MTMR10: variants seen among roughly 807,000 people sequenced by gnomAD.
The protein encoded by MTMR10 is myotubularin related protein 10.
A neutral mutation model predicts 88.1 loss-of-function variants in MTMR10; 56 were observed. The ratio of observed to expected loss-of-function variants is 0.64; its 90% CI spans 0.51 to 0.79. The LOEUF (loss-of-function observed/expected upper bound fraction) is 0.79, where lower values mean the gene tolerates loss of function less well. Ranked by LOEUF, MTMR10 falls within the 30% of genes least tolerant of loss-of-function variation. The pLI, the probability that MTMR10 is intolerant of heterozygous loss-of-function variation, is 0.00. For missense variants in MTMR10, 883 were observed against 924.7 expected, an observed-to-expected ratio of 0.95 and a Z score of 0.58; for synonymous variants, 380 against 340.9, an observed-to-expected ratio of 1.11 and a Z score of -1.26.
intron 12 of MTMR10, 48 bp downstream of exon 12, chr15:30,951,920 G>T: frequency 6.6e-7 from 1 of 1,511,398 alleles, no homozygotes; most frequent in Non-Finnish European, 9.2e-7. Flanking sequence ...GTAAACCAAG[G>T]CTGGCTGGTA....
intron 2 of MTMR10, among the ~76,000 whole-genome samples, chr15:30,989,772 A>C (rs536957693): frequency 6.6e-6 from 1 of 151,716 alleles, no homozygotes; most frequent in Non-Finnish European, 1.5e-5. Flanking sequence ...TTTTTAGTAG[A>C]GATGGGGTTT....
chr15:30,953,434 T>A, intron 11 of MTMR10, 128 bp downstream of exon 11: 1 of 681,992 alleles, frequency 1.5e-6, no homozygotes, highest in South Asian at 2.0e-5. Context: ...AGTTACGAGA[T>A]GTTACTATTG....
rs956364525 is a variant in MTMR10 at position 30,964,508 on chromosome 15, A to T, written c.565+3412T>A. On this transcript the variant is annotated intron_variant, in intron 6 of 15. Transcript: ENST00000435680. ...GTTCAAATCCTGTACTTTTCTAAAC[A>T]ACTGGGACTAGGTCTTTTATATGTT... 3.9e-5 allele frequency among the ~76,000 whole-genome samples: 6 copies of T among 152,246 alleles called. 1 individual carries two copies. The highest frequency in any genetic ancestry group is 8.8e-5 in the Non-Finnish European group (6 of 68,040).
At chr15:30,955,714 G>A (rs983757986) in intron 9 of MTMR10, among the ~76,000 whole-genome samples, 1 of 152,180 alleles carries the variant, frequency 6.6e-6, no homozygotes, top group Non-Finnish European at 1.5e-5. Context: ...TCCACATGAT[G>A]TAGACAGAAG....
chr15:30,933,986 T>G (rs1330975575), downstream of MTMR10, among the ~76,000 whole-genome samples: 2 of 151,900 alleles, frequency 1.3e-5, no homozygotes, highest in Non-Finnish European at 2.9e-5. Context: ...GGTCTCAAAC[T>G]CCTGGGCTCC....
At chr15:30,963,116 G>A (rs1595927579) in intron 6 of MTMR10, among the ~76,000 whole-genome samples, 2 of 152,206 alleles carry the variant, frequency 1.3e-5, no homozygotes, top group South Asian at 4.1e-4. Flanking sequence ...AATTTAAACT[G>A]AAATGAAAAT....
chr15:30,970,196 A>G (rs1217571670), intron 5 of MTMR10, among the ~76,000 whole-genome samples: 1 of 152,164 alleles, frequency 6.6e-6, no homozygotes, highest in African/African-American at 2.4e-5. Flanking sequence ...GAGTACCTAC[A>G]ATGTTGTAAG....
the MTMR10 span, among the ~76,000 whole-genome samples, chr15:30,933,912 C>G: frequency 2.0e-5 from 3 of 152,236 alleles, no homozygotes; most frequent in East Asian, 5.8e-4. Flanking sequence ...AGGCATGCAC[C>G]ATCATGCCCA....
rs762760389 is a variant in MTMR10 at position 30,948,327 on chromosome 15, T to C, written c.1352A>G (p.Asn451Ser). Reference sequence around the variant, plus strand: ...CTCTTTCTCTGATCTCTTTAGATGGTTGCATCTGTCTAGAAACTGATATCC... The same window carrying C: ...CTCTTTCTCTGATCTCTTTAGATGGCTGCATCTGTCTAGAAACTGATATCC... ...MAGYQFLDRC[N>S]HLKRSEKESP... is the part of the protein sequence containing the mutation. The change falls in exon 13 of 16, where the codon AAC becomes AGC. Residue 451 changes from asparagine to serine, a missense_variant. Physicochemically the swap from Asn to Ser is conservative, Grantham distance 46 (BLOSUM62 1). Around this residue, in one of 3 missense-constraint regions of MTMR10, gnomAD observed 126 missense variants for 178.2 expected, o/e 0.71. Transcript: ENST00000435680. The C allele has an allele frequency of 1.5e-5, 25 of 1,613,806 alleles. No homozygotes were observed. The highest frequency in any genetic ancestry group is 1.9e-5 in the Non-Finnish European group (22 of 1,179,806).
At chr15:30,945,132 G>GAA (rs1035080196) in intron 14 of MTMR10, among the ~76,000 whole-genome samples, 1 of 151,682 alleles carries the variant, frequency 6.6e-6, no homozygotes, top group Non-Finnish European at 1.5e-5. Flanking sequence ...CCTCAGAATG[G>GAA]AAAAAAAAGG....
At chr15:30,991,359 C>A (rs1048164216) in intron 1 of MTMR10, 88 bp downstream of exon 1, 24 of 1,302,182 alleles carry the variant, frequency 1.8e-5, no homozygotes, top group Non-Finnish European at 2.4e-5. Flanking sequence ...GCGCAGCCTC[C>A]TGGGGTCCTC....
At chr15:30,950,295 T>C (rs1595914273) in intron 12 of MTMR10, 1 of 152,196 alleles carries the variant, frequency 6.6e-6, no homozygotes, top group South Asian at 2.1e-4. Context: ...ATATGACACA[T>C]TACTATTTGA....
the MTMR10 span, chr15:30,928,638 C>T: frequency 1.2e-6 from 2 of 1,613,592 alleles, no homozygotes; most frequent in Non-Finnish European, 1.7e-6. Context: ...TTCCGGATGT[C>T]TTCAGAAACG....
At chr15:30,928,506 T>TTGTG in the MTMR10 span, 304,498 of 1,457,276 alleles carry the variant, frequency 0.21, 6,385 homozygotes, top group East Asian at 0.42. Flanking sequence ...AAAACAGATT[T>TTGTG]TGTGTGTGTG....
Position 30,939,570 on chromosome 15 carries a change from T to C in MTMR10, c.*1900A>G, listed in dbSNP as rs2062968930. Reference sequence around the variant, plus strand: ...TTTACATTTGATTATCATACAAAAATATGCATTTTTCTATTTTTAACCATT... The same window carrying C: ...TTTACATTTGATTATCATACAAAAACATGCATTTTTCTATTTTTAACCATT... On this transcript the variant is annotated 3_prime_UTR_variant, in exon 16 of 16. Transcript: ENST00000435680. The C allele has an allele frequency of 2.1e-6, 2 of 961,420 alleles. No homozygotes were observed. The highest frequency in any genetic ancestry group is 1.2e-6 in the Non-Finnish European group (1 of 808,238). The allele number at this position is 961,420 out of a possible 1,614,324, so 59.6% of individuals were successfully genotyped here. A position where few individuals can be genotyped will look rare whatever the true frequency, so the allele number is the denominator to read the frequency against.
chr15:30,972,571 G>A (rs1405865648), intron 5 of MTMR10, among the ~76,000 whole-genome samples: 1 of 152,024 alleles, frequency 6.6e-6, no homozygotes, highest in Non-Finnish European at 1.5e-5. Flanking sequence ...AACACATAGG[G>A]GATATTCTGA....
At chr15:30,963,997 C>T (rs544413034) in intron 6 of MTMR10, among the ~76,000 whole-genome samples, 97 of 150,762 alleles carry the variant, frequency 6.4e-4, no homozygotes, top group African/African-American at 2.2e-3. Context: ...ATGATAGATA[C>T]CTGTTTATGA....
rs148733290 is a variant in MTMR10, at chr15:30,945,143, A to C, written c.1548+1987T>G. Reference sequence around the variant, plus strand: ...GTGGCCTCAGAATGGAAAAAAAAGGAAGAAATGCTTTGGGCTTTTGCCTGT... The same window carrying C: ...GTGGCCTCAGAATGGAAAAAAAAGGCAGAAATGCTTTGGGCTTTTGCCTGT... On this transcript the variant is annotated intron_variant, in intron 14 of 15. Coordinates refer to ENST00000435680, the MANE Select transcript of MTMR10 (RefSeq NM_017762.3). Among the ~76,000 whole-genome samples the C allele has an allele frequency of 3.2e-3, 490 of 152,250 alleles. 1 individual carries two copies. The highest frequency in any genetic ancestry group is 0.011 in the African/African-American group (450 of 41,542).
intron 5 of MTMR10, among the ~76,000 whole-genome samples, chr15:30,971,063 A>G (rs2063532439): frequency 6.6e-6 from 1 of 152,108 alleles, no homozygotes; most frequent in South Asian, 2.1e-4. Flanking sequence ...TTACTGTGGA[A>G]CACTCCGAGA....
Sources: gnomAD v4.1 joint callset for allele counts (sites outside exome capture counted in the v4.1 genomes callset) on GRCh38, gnomAD v4.1.1 for gene constraint, gnomAD v4.1.1 regional missense constraint, MANE v1.5 for transcripts, NCBI Gene and HGNC (gene_info 2026-07-23, HGNC 2026-07-21) for gene names.